Variants in DNAAF11 observed in about 807,000 individuals in gnomAD.
The protein encoded by DNAAF11 is leucine rich repeat containing 6.
DNAAF11 carries 45 observed loss-of-function variants against 60.8 expected under a neutral mutation model. The observed-to-expected ratio is 0.74, with a 90% CI of 0.58 to 0.95. DNAAF11 has a LOEUF of 0.95. Ranked by LOEUF, DNAAF11 falls within the 40% of genes least tolerant of loss-of-function variation. The pLI is 0.00. For missense variants in DNAAF11, 546 were observed against 546.2 expected (o/e 1.00, Z 0.00); for synonymous variants, 191 against 183.5 (o/e 1.04, Z -0.33).
chr8:132,694,984 G>A, the DNAAF11 span, among the ~76,000 whole-genome samples: 1 of 152,180 alleles, frequency 6.6e-6, no homozygotes, highest in Non-Finnish European at 1.5e-5. Context: ...AGCCAAGTGG[G>A]AAAAGTGCTT....
chr8:132,600,796 G>A (rs1564002825), intron 10 of DNAAF11, among the ~76,000 whole-genome samples: 2 of 152,178 alleles, frequency 1.3e-5, no homozygotes, highest in Non-Finnish European at 2.9e-5. Context: ...AGACTTAAAT[G>A]TTAGACCTAA....
chr8:132,645,488 C>A (rs563407543), intron 3 of DNAAF11, among the ~76,000 whole-genome samples: 1 of 152,262 alleles, frequency 6.6e-6, no homozygotes, highest in South Asian at 2.1e-4. Flanking sequence ...CGGAGAATGA[C>A]TTTAGGCAAA....
At chr8:132,683,644 C>T in the DNAAF11 span, among the ~76,000 whole-genome samples, 1 of 152,192 alleles carries the variant, frequency 6.6e-6, no homozygotes, top group Admixed American at 6.5e-5. Flanking sequence ...GGGAGGAGAC[C>T]AAGCCTTCAG....
At chr8:132,667,548 T>C (rs531183620) in intron 1 of DNAAF11, among the ~76,000 whole-genome samples, 1 of 152,324 alleles carries the variant, frequency 6.6e-6, no homozygotes, top group African/African-American at 2.4e-5. Context: ...ATATAAAACA[T>C]ATTGCTTTCA....
intron 1 of DNAAF11, among the ~76,000 whole-genome samples, chr8:132,666,448 T>TA (rs112638500): frequency 7.2e-4 from 108 of 150,756 alleles, no homozygotes; most frequent in African/African-American, 2.4e-3. Context: ...AATTAAAAAG[T>TA]AAAAAAAAAG....
At chr8:132,644,289 T>C (rs552814479) in intron 3 of DNAAF11, among the ~76,000 whole-genome samples, 1 of 152,272 alleles carries the variant, frequency 6.6e-6, no homozygotes, top group East Asian at 1.9e-4. Flanking sequence ...AACAGTTATA[T>C]TCATAATAAC....
intron 10 of DNAAF11, among the ~76,000 whole-genome samples, chr8:132,600,420 CTACTT>C (rs944930630): frequency 2.0e-5 from 3 of 152,132 alleles, no homozygotes; most frequent in African/African-American, 4.8e-5. Flanking sequence ...TGGAAAAAAA[CTACTT>C]TAAAGTTCAT....
At chr8:132,654,236 A>C (rs571331141) in intron 3 of DNAAF11, among the ~76,000 whole-genome samples, 1 of 152,216 alleles carries the variant, frequency 6.6e-6, no homozygotes, top group African/African-American at 2.4e-5. Flanking sequence ...AAATATTATA[A>C]ACATATATGC....
chr8:132,693,742 A>G, the DNAAF11 span, among the ~76,000 whole-genome samples: 1 of 152,058 alleles, frequency 6.6e-6, no homozygotes, highest in Non-Finnish European at 1.5e-5. Context: ...TTGAGAATGG[A>G]CAGTATGGAT....
intron 10 of DNAAF11, among the ~76,000 whole-genome samples, chr8:132,584,552 G>A (rs1257056943): frequency 6.6e-6 from 1 of 152,128 alleles, no homozygotes; most frequent in Non-Finnish European, 1.5e-5. Context: ...GGGATTGCTA[G>A]CAGGAGAAGT....
At chr8:132,611,212 A>G in intron 9 of DNAAF11, 82 bp downstream of exon 9, 1 of 1,010,204 alleles carries the variant, frequency 9.9e-7, no homozygotes, top group Non-Finnish European at 1.5e-6. Flanking sequence ...TATTTTAATA[A>G]TACTTAAAAA....
chr8:132,643,544 C>A, intron 3 of DNAAF11: 1 of 434,608 alleles, frequency 2.3e-6, no homozygotes. Flanking sequence ...GTAAATGGGT[C>A]CGTATGCCAT....
At chr8:132,651,763 C>T (rs1198508372) in intron 3 of DNAAF11, among the ~76,000 whole-genome samples, 15 of 152,130 alleles carry the variant, frequency 9.9e-5, no homozygotes, top group Admixed American at 9.8e-4. Flanking sequence ...ATTTCTTTGG[C>T]ATTTTAGATA....
At chr8:132,674,810 C>T (rs967643074) in intron 1 of DNAAF11, among the ~76,000 whole-genome samples, 1 of 152,252 alleles carries the variant, frequency 6.6e-6, no homozygotes, top group South Asian at 2.1e-4. Context: ...ATTGCTTGAA[C>T]CCGGGAGGCG....
chr8:132,645,990 C>A (rs1284778263), intron 3 of DNAAF11, among the ~76,000 whole-genome samples: 2 of 152,098 alleles, frequency 1.3e-5, no homozygotes, highest in Non-Finnish European at 2.9e-5. Flanking sequence ...CAGAGAATGC[C>A]ACAAAGATAA....
At chr8:132,594,948 A>T (rs1816834107) in intron 10 of DNAAF11, among the ~76,000 whole-genome samples, 1 of 152,060 alleles carries the variant, frequency 6.6e-6, no homozygotes, top group African/African-American at 2.4e-5. Flanking sequence ...AATTCTCACG[A>T]GATCTGATGG....
At chr8:132,621,467 T>C (rs983572027) in intron 7 of DNAAF11, among the ~76,000 whole-genome samples, 14 of 152,116 alleles carry the variant, frequency 9.2e-5, no homozygotes, top group African/African-American at 2.4e-4. Context: ...CAGTTCTTCA[T>C]AGAATCAATC....
intron 6 of DNAAF11, 24 bp from the exon 7 acceptor site, chr8:132,622,712 A>G (rs772935493): frequency 2.7e-6 from 4 of 1,497,720 alleles, no homozygotes; most frequent in Non-Finnish European, 3.7e-6. Context: ...GTGGATGAGA[A>G]CAATGGGCAG....
Position 132,572,284 on chromosome 8 carries a change from A to C in DNAAF11, c.*22T>G, listed in dbSNP as rs778801425. On this transcript the variant is annotated 3_prime_UTR_variant, in exon 12 of 12. Transcript: ENST00000620350. The stretch of plus-strand genomic sequence containing the variant: ...AAACTGGACCTGGTGGGTCTCAGCC[A>C]ATGGCAACGCAGCCAGATGTTTCAA... The C allele has an allele frequency of 3.7e-6, 6 of 1,607,800 alleles. No homozygotes were observed. In the East Asian group the frequency reaches 1.3e-4, roughly 36 times the overall value.
Sources: gnomAD v4.1 joint callset for allele counts (sites outside exome capture counted in the v4.1 genomes callset) on GRCh38, gnomAD v4.1.1 for gene constraint, MANE v1.5 for transcripts, NCBI Gene and HGNC (gene_info 2026-07-23, HGNC 2026-07-21) for gene names.